Variants in CSMD3 observed in about 807,000 individuals in gnomAD.
CSMD3 encodes the protein CUB and Sushi multiple domains 3.
CSMD3 carries 177 observed loss-of-function variants against 435.2 expected under a neutral mutation model. The observed-to-expected ratio is 0.41, with a 90% CI of 0.36 to 0.46. The LOEUF is 0.46. Among genes scored for constraint, CSMD3 ranks in the 20% least tolerant of loss-of-function variants. The probability of loss-of-function intolerance (pLI) is 0.34; values close to 1 mark genes in which losing one functional copy is unlikely to be tolerated. For synonymous variants in CSMD3, 1,656 were observed against 1,520.5 expected (o/e 1.09, Z -2.07); for missense variants, 4,265 against 4,504.6 (o/e 0.95, Z 1.52).
intron 63 of CSMD3, among the ~76,000 whole-genome samples, chr8:112,247,392 G>A (rs1181633582): frequency 6.6e-6 from 1 of 151,938 alleles, no homozygotes; most frequent in Admixed American, 6.6e-5. Context: ...TTTGCCATGG[G>A]AATTTGAAGA....
At chr8:112,410,801 T>C (rs1811247627) in intron 32 of CSMD3, among the ~76,000 whole-genome samples, 1 of 148,330 alleles carries the variant, frequency 6.7e-6, no homozygotes, top group Non-Finnish European at 1.5e-5. Context: ...TCTTAAGAAG[T>C]TTCTATTATA....
At chr8:112,651,728 G>A (rs534410235) in intron 18 of CSMD3, among the ~76,000 whole-genome samples, 19 of 151,888 alleles carry the variant, frequency 1.3e-4, no homozygotes, top group South Asian at 2.1e-4. Flanking sequence ...TAGTAGAGAC[G>A]GGTTTTACCA....
chr8:112,365,577 A>G (rs939590700), intron 38 of CSMD3, among the ~76,000 whole-genome samples: 1 of 151,736 alleles, frequency 6.6e-6, no homozygotes, highest in Non-Finnish European at 1.5e-5. Context: ...TACTAGTTTG[A>G]AAAAATTCCC....
chr8:112,651,776 T>C (rs1386621283), intron 18 of CSMD3, among the ~76,000 whole-genome samples: 2 of 152,048 alleles, frequency 1.3e-5, no homozygotes, highest in African/African-American at 4.8e-5. Context: ...GACCTTGTGA[T>C]CTTCCTGCAT....
intron 22 of CSMD3, among the ~76,000 whole-genome samples, chr8:112,598,945 G>C (rs1169641244): frequency 6.6e-6 from 1 of 151,284 alleles, no homozygotes; most frequent in Admixed American, 6.6e-5. Flanking sequence ...GTACCATTCA[G>C]GACATAGGCA....
intron 6 of CSMD3, among the ~76,000 whole-genome samples, chr8:112,998,735 G>A (rs1424353531): frequency 1.3e-5 from 2 of 151,950 alleles, no homozygotes; most frequent in Non-Finnish European, 2.9e-5. Context: ...TATTGGAGGT[G>A]GGGCCTGGTG....
intron 1 of CSMD3, among the ~76,000 whole-genome samples, chr8:113,319,145 C>T (rs1028061319): frequency 6.6e-5 from 10 of 152,038 alleles, no homozygotes; most frequent in African/African-American, 1.9e-4. Context: ...ACAGTTTTTT[C>T]GTAATGGCTG....
intron 23 of CSMD3, among the ~76,000 whole-genome samples, chr8:112,586,765 G>C (rs1020492253): frequency 1.3e-5 from 2 of 150,976 alleles, no homozygotes; most frequent in Admixed American, 6.6e-5. Context: ...TAATTTATTA[G>C]ACAAGATATT....
At chr8:112,231,115 C>T (rs1176121238) in intron 69 of CSMD3, among the ~76,000 whole-genome samples, 1 of 152,232 alleles carries the variant, frequency 6.6e-6, no homozygotes, top group Non-Finnish European at 1.5e-5. Flanking sequence ...AAGTTATTTT[C>T]TCTTTCCAGA....
chr8:113,310,825 C>T (rs570647923), intron 2 of CSMD3: 7 of 151,452 alleles, frequency 4.6e-5, no homozygotes, highest in South Asian at 2.1e-4. Context: ...GATGCTAATA[C>T]GTGAATTAAT....
intron 38 of CSMD3, among the ~76,000 whole-genome samples, chr8:112,373,438 C>T (rs1171226701): frequency 6.6e-6 from 1 of 151,880 alleles, no homozygotes; most frequent in Admixed American, 6.6e-5. Context: ...ACACCACTCA[C>T]ACGCAATATC....
At chr8:113,277,674 G>A (rs1256772940) in intron 3 of CSMD3, among the ~76,000 whole-genome samples, 2 of 151,870 alleles carry the variant, frequency 1.3e-5, no homozygotes, top group African/African-American at 4.8e-5. Context: ...TAGACCTGAT[G>A]TGATAAATTC....
chr8:113,001,941 C>CT (rs539948957), intron 6 of CSMD3, among the ~76,000 whole-genome samples: 2 of 152,092 alleles, frequency 1.3e-5, no homozygotes, highest in African/African-American at 4.8e-5. Flanking sequence ...AATGACTACT[C>CT]TGGGCAGGTC....
In CSMD3 at chr8:113,436,670, G is replaced by C. The variant is rs753377451; in HGVS notation, c.178+7C>G. 1 of 1,614,046 alleles carries C rather than the reference G, an allele frequency of 6.2e-7. No individual in the cohort carries two copies. Among genetic ancestry groups the C allele is most frequent in the Non-Finnish European group, 8.5e-7 (1 of 1,179,928 alleles). On this transcript the variant is annotated splice_region_variant and intron_variant, in intron 1 of 70. Transcript: ENST00000297405. ...CAAAGCGGAGGGGACCCCCAAAGCA[G>C]ACCTACCTTTCACACAAGACACCGT...
At chr8:112,409,083 C>CGAAAACA in intron 32 of CSMD3, 51 bp from the exon 33 acceptor site, 1 of 1,608,948 alleles carries the variant, frequency 6.2e-7, no homozygotes, top group Non-Finnish European at 8.5e-7. Context: ...CATCCAAAAA[C>CGAAAACA]GAAAACAAAA....
At chr8:112,605,395 G>T (rs953929796) in intron 22 of CSMD3, among the ~76,000 whole-genome samples, 2 of 152,080 alleles carry the variant, frequency 1.3e-5, no homozygotes, top group African/African-American at 2.4e-5. Flanking sequence ...ATCAATAGTG[G>T]ACTGCACAAA....
chr8:112,608,786 T>C (rs1158966871), intron 22 of CSMD3, among the ~76,000 whole-genome samples: 1 of 152,000 alleles, frequency 6.6e-6, no homozygotes, highest in Non-Finnish European at 1.5e-5. Context: ...TTAGAAAAGC[T>C]AATATTCAAA....
At chr8:113,189,496 T>C (rs1304986100) in intron 3 of CSMD3, among the ~76,000 whole-genome samples, 2 of 151,812 alleles carry the variant, frequency 1.3e-5, no homozygotes, top group Non-Finnish European at 2.9e-5. Context: ...TAAGTGAGAA[T>C]TAAGTATTAC....
At chr8:112,503,005 C>G (rs1822129450) in intron 30 of CSMD3, among the ~76,000 whole-genome samples, 1 of 152,086 alleles carries the variant, frequency 6.6e-6, no homozygotes, top group Non-Finnish European at 1.5e-5. Context: ...TAACATAATT[C>G]ATTTAAACAC....
Sources: gnomAD v4.1 joint callset for allele counts (sites outside exome capture counted in the v4.1 genomes callset) on GRCh38, gnomAD v4.1.1 for gene constraint, MANE v1.5 for transcripts, NCBI Gene and HGNC (gene_info 2026-07-23, HGNC 2026-07-21) for gene names.